The following RADIL variants were observed in gnomAD, a reference collection of about 807,000 sequenced individuals.
RADIL encodes ras-associating and dilute domain-containing protein.
Under a neutral mutation model 97.6 loss-of-function variants are expected in RADIL, and 99 were observed. The observed-to-expected ratio is 1.01, with a 90% CI of 0.86 to 1.20. The LOEUF (loss-of-function observed/expected upper bound fraction) is 1.20, where lower values mean the gene tolerates loss of function less well. RADIL is among the 50% of genes most tolerant of loss of function. RADIL has a pLI of 0.00. For synonymous variants in RADIL, 803 were observed against 691.8 expected (o/e 1.16, Z -2.52); for missense variants, 1,765 against 1,498.9 (o/e 1.18, Z -2.93).
At position 4,817,189 on chromosome 7, in the gene RADIL, A is replaced by G. The variant is rs1261061118; in HGVS notation, c.1728+50T>C. ...AGCCACAGGCACAAGCTTGAGCCCC[A>G]CTTGATCCCAGGAGCTGCCTGAGTG... On this transcript the variant is annotated intron_variant, in intron 7 of 14. Transcript: ENST00000399583. The surrounding 1 kb of genome is among the most constrained non-coding windows in gnomAD (Gnocchi z 8.3). The G allele has an allele frequency of 2.0e-6, 3 of 1,528,010 alleles. No homozygotes were observed. Among genetic ancestry groups the G allele is most frequent in the Admixed American group, 3.5e-5 (2 of 57,232 alleles). 94.7% of individuals were successfully genotyped at this position (1,528,010 alleles called of 1,614,324 possible).
At position 4,824,318 on chromosome 7, in the gene RADIL, C is replaced by G. The variant is rs1253041822; in HGVS notation, c.1455-1764G>C. Reference sequence around the variant, plus strand: ...CAGAGCCAGGCTCAAGGCTGGACGGCCGTCAGAGTGACCATCGCGTGCTCA... The same window carrying G: ...CAGAGCCAGGCTCAAGGCTGGACGGGCGTCAGAGTGACCATCGCGTGCTCA... On this transcript the variant is annotated intron_variant, in intron 5 of 14. Transcript: ENST00000399583. This position sits in a 1 kb window ranked among gnomAD's most constrained non-coding sequence, Gnocchi z 6.7. Among the ~76,000 whole-genome samples, 1 of 152,220 alleles carries G rather than the reference C, an allele frequency of 6.6e-6. No individual in the cohort carries two copies. The highest frequency in any genetic ancestry group is 1.5e-5 in the Non-Finnish European group (1 of 68,038).
intron 5 of RADIL, among the ~76,000 whole-genome samples, chr7:4,826,340 G>A (rs540443284): frequency 5.3e-5 from 8 of 152,214 alleles, no homozygotes; most frequent in South Asian, 2.1e-4. Flanking sequence ...GATGGGGGTC[G>A]AAGCATCCTA....
intron 12 of RADIL, 28 bp from the exon 13 acceptor site, chr7:4,800,338 G>A: frequency 7.0e-7 from 1 of 1,422,554 alleles, no homozygotes; most frequent in Non-Finnish European, 9.2e-7. Flanking sequence ...AAGGTGGGTG[G>A]GAGTGAGGCG....
chr7:4,832,832 G>C (rs1005875173), intron 4 of RADIL, among the ~76,000 whole-genome samples: 1 of 151,914 alleles, frequency 6.6e-6, no homozygotes, highest in African/African-American at 2.4e-5. Flanking sequence ...AGTGCGCGTA[G>C]ACTAAGCGTG....
rs1781994744 is a variant in RADIL, at chr7:4,799,253, A to C, written c.*125T>G. The C allele has an allele frequency of 1.3e-6, 1 of 771,826 alleles. No homozygotes were observed. Among genetic ancestry groups the C allele is most frequent in the Non-Finnish European group, 2.2e-6 (1 of 461,220 alleles). 47.8% of individuals were successfully genotyped at this position (771,826 alleles called of 1,614,324 possible). On this transcript the variant is annotated 3_prime_UTR_variant, in exon 15 of 15. Transcript: ENST00000399583. Reference sequence around the variant, plus strand: ...GCATGTTATCAACAGGCATGTCCCCAGGGTGAGGCTCCCCACCCGGGACCC... The same window carrying C: ...GCATGTTATCAACAGGCATGTCCCCCGGGTGAGGCTCCCCACCCGGGACCC...
At chr7:4,809,133 T>G (rs1782459344) in intron 9 of RADIL, 1 of 984,780 alleles carries the variant, frequency 1.0e-6, no homozygotes, top group Non-Finnish European at 1.2e-6. Context: ...CTTCCTGGCC[T>G]CAGCGTGGGG....
chr7:4,845,793 G>A (rs992487498), intron 2 of RADIL, among the ~76,000 whole-genome samples: 1 of 152,214 alleles, frequency 6.6e-6, no homozygotes, highest in African/African-American at 2.4e-5. Context: ...ACCTAATTAA[G>A]ATAATGGGTA....
In RADIL at chr7:4,815,865, C is replaced by A. The variant is rs954009001; in HGVS notation, c.1966+363G>T. On this transcript the variant is annotated intron_variant, in intron 8 of 14. Coordinates refer to ENST00000399583, the MANE Select transcript of RADIL (RefSeq NM_018059.5). This position sits in a 1 kb window ranked among gnomAD's most constrained non-coding sequence, Gnocchi z 8.0. Reference sequence around the variant, plus strand: ...CACTCCACAAGGCAGGGTCCAAGGCCAGAGTCCGCGGCTGCACAGACCTGG... The same window carrying A: ...CACTCCACAAGGCAGGGTCCAAGGCAAGAGTCCGCGGCTGCACAGACCTGG... Among the ~76,000 whole-genome samples the A allele has an allele frequency of 1.1e-4, 17 of 152,190 alleles. No individual in the cohort carries two copies. Among genetic ancestry groups the A allele is most frequent in the African/African-American group, 4.1e-4 (17 of 41,448 alleles).
At position 4,854,227 on chromosome 7, in the gene RADIL, C is replaced by T. The variant is rs1783774845; in HGVS notation, c.536-17622G>A. 6.6e-6 allele frequency among the ~76,000 whole-genome samples: 1 copy of T among 152,130 alleles called. No individual in the cohort carries two copies. The highest frequency in any genetic ancestry group is 6.5e-5 in the Admixed American group (1 of 15,276). ...TGGTCCCTGGTGACCAGGAAAGCCACCGTTACCAGCCCCGAACTTACTGTT... is the reference window on the plus strand; with the variant it reads ...TGGTCCCTGGTGACCAGGAAAGCCATCGTTACCAGCCCCGAACTTACTGTT... On this transcript the variant is annotated intron_variant, in intron 2 of 14. Coordinates refer to ENST00000399583, the MANE Select transcript of RADIL (RefSeq NM_018059.5). The surrounding 1 kb of genome is among the most constrained non-coding windows in gnomAD (Gnocchi z 5.1).
Position 4,799,446 on chromosome 7 carries a change from G to C in RADIL, c.3160C>G (p.Arg1054Gly), listed in dbSNP as rs202161989. 1.2e-6 allele frequency: 2 copies of C among 1,613,802 alleles called. No homozygotes were observed. Among genetic ancestry groups the C allele is most frequent in the African/African-American group, 2.7e-5 (2 of 75,036 alleles). Residue 1054 changes from arginine (R) to glycine (G), a missense_variant, in exon 15 of 15, where the codon CGG becomes GGG. Coordinates refer to ENST00000399583, the MANE Select transcript of RADIL (RefSeq NM_018059.5). ...ACGTCGGACTTCGCGACCAGGAACC[G>C]CATCTTCTTCCCGCCATGACGGATC... ...DLIRHGGKKM[R>G]FLVAKSDVET...
Position 4,878,201 on chromosome 7 carries a change from G to A in RADIL, c.-62C>T. 1 of 1,439,506 alleles carries A rather than the reference G, an allele frequency of 6.9e-7. No homozygotes were observed. Among genetic ancestry groups the A allele is most frequent in the South Asian group, 1.4e-5 (1 of 70,588 alleles). 89.2% of individuals were successfully genotyped at this position (1,439,506 alleles called of 1,614,324 possible). ...CAGCCAAAGGATGTGGGGAGGCCGT[G>A]ACCTGGGTGAAAAAGTGAGAGAGGT... On this transcript the variant is annotated splice_region_variant and 5_prime_UTR_variant, in exon 2 of 15. Coordinates refer to ENST00000399583, the MANE Select transcript of RADIL (RefSeq NM_018059.5). This position sits in a 1 kb window ranked among gnomAD's most constrained non-coding sequence, Gnocchi z 4.1.
chr7:4,812,781 G>C (rs1471486399), intron 9 of RADIL, among the ~76,000 whole-genome samples: 1 of 152,108 alleles, frequency 6.6e-6, no homozygotes, highest in African/African-American at 2.4e-5. Context: ...AACCCTGTTT[G>C]CTTCCTAGTT....
chr7:4,859,652 C>T (rs1583313974), intron 2 of RADIL: 2 of 495,916 alleles, frequency 4.0e-6, no homozygotes, highest in East Asian at 3.6e-5. Context: ...TTCATGGACC[C>T]TTGAGGTTGT....
In RADIL at chr7:4,835,275, C is replaced by T. The variant is rs1783264038; in HGVS notation, c.784-36G>A. On this transcript the variant is annotated intron_variant, in intron 3 of 14. Coordinates refer to ENST00000399583, the MANE Select transcript of RADIL (RefSeq NM_018059.5). The surrounding 1 kb of genome is among the most constrained non-coding windows in gnomAD (Gnocchi z 5.8). ...GACTCCGCTCAGGGCAGGCGTAACG[C>T]GAGCAGCACACGGGAAAAGCGTCCC... The T allele has an allele frequency of 3.8e-6, 6 of 1,597,104 alleles. No homozygotes were observed. The highest frequency in any genetic ancestry group is 2.7e-5 in the African/African-American group (2 of 74,766).
chr7:4,877,606 T>G lies in RADIL; in HGVS notation c.534A>C (p.Ala178=), dbSNP rs1384255790. Reference sequence around the variant, plus strand: ...TCCTGAACCTGTGGCCCCCCTCACCTGCCGTGATGGTGTCCACCTCCTTGG... The same window carrying G: ...TCCTGAACCTGTGGCCCCCCTCACCGGCCGTGATGGTGTCCACCTCCTTGG... ...LAAKEVDTIT[A]GINAQARRLQ... Residue 178 remains alanine (A), a splice_region_variant and synonymous_variant, in exon 2 of 15, where the codon GCA becomes GCC. Transcript: ENST00000399583. The G allele has an allele frequency of 1.3e-6, 2 of 1,589,504 alleles. No homozygotes were observed. Among genetic ancestry groups the G allele is most frequent in the Admixed American group, 3.5e-5 (2 of 56,728 alleles).
intron 9 of RADIL, chr7:4,809,309 G>A: frequency 1.0e-6 from 1 of 985,340 alleles, no homozygotes; most frequent in Non-Finnish European, 1.2e-6. Flanking sequence ...CCCTCGGCTC[G>A]GCCTAGTTTC....
At chr7:4,855,242 TTTCAAATGC>T (rs1783798318) in intron 2 of RADIL, among the ~76,000 whole-genome samples, 1 of 152,156 alleles carries the variant, frequency 6.6e-6, no homozygotes, top group Non-Finnish European at 1.5e-5. Context: ...TCATACTCAT[TTTCAAATGC>T]TTCCTGACTT....
chr7:4,845,267 AG>A (rs1783540047), intron 2 of RADIL, among the ~76,000 whole-genome samples: 1 of 152,138 alleles, frequency 6.6e-6, no homozygotes. Flanking sequence ...AAAAATAAAA[AG>A]ATGAACCAGA....
chr7:4,861,657 C>A (rs1177576911), intron 2 of RADIL: 9 of 1,604,806 alleles, frequency 5.6e-6, no homozygotes, highest in Non-Finnish European at 6.8e-6. Flanking sequence ...TCTTCGAAGA[C>A]CCCGAAGGGC....
Sources: allele counts gnomAD v4.1 joint callset (sites outside exome capture counted in the v4.1 genomes callset), GRCh38; gene constraint gnomAD v4.1.1; non-coding constraint Gnocchi (gnomAD v3.1); transcripts MANE v1.5; gene names NCBI Gene and HGNC (gene_info 2026-07-23, HGNC 2026-07-21).